Variants in CREB5 observed in about 807,000 individuals in gnomAD.
CREB5 encodes cAMP responsive element binding protein 5, also known as cyclic AMP-responsive element-binding protein 5.
A neutral mutation model predicts 57.1 loss-of-function variants in CREB5; 19 were observed. That is an observed-to-expected ratio of 0.33 (90% CI 0.23 to 0.49). CREB5 has a LOEUF of 0.49. Among genes scored for constraint, CREB5 ranks in the 20% least tolerant of loss-of-function variants. The pLI is 0.99. For missense variants in CREB5, 579 were observed against 671.6 expected, an observed-to-expected ratio of 0.86 and a Z score of 1.52; for synonymous variants, 238 against 238.3, an observed-to-expected ratio of 1.00 and a Z score of 0.01.
chr7:28,785,975 C>T (rs1396410955), intron 7 of CREB5, among the ~76,000 whole-genome samples: 1 of 152,140 alleles, frequency 6.6e-6, no homozygotes, highest in Non-Finnish European at 1.5e-5. Context: ...CACGTGTCAT[C>T]GTGCCTCCTT....
chr7:28,672,175 GAAAAA>G (rs201063096), intron 5 of CREB5, among the ~76,000 whole-genome samples: 1 of 88,138 alleles, frequency 1.1e-5, no homozygotes, highest in African/African-American at 4.6e-5. Context: ...TTGTATTATG[GAAAAA>G]AAAAAAAAAC....
rs573727871 is a variant in CREB5 at position 28,380,560 on chromosome 7, T to C, written c.-25+81119T>C. On this transcript the variant is annotated intron_variant, in intron 1 of 9. Transcript: ENST00000396299. ...TTGAGAAAAAGAAGGTAAACATCAG[T>C]ATGCAATTAGAAGTGAGTGGAAGGT... Among the ~76,000 whole-genome samples the C allele has an allele frequency of 1.2e-3, 190 of 152,256 alleles. 1 individual carries two copies. The highest frequency in any genetic ancestry group is 4.4e-3 in the African/African-American group (182 of 41,552).
intron 1 of CREB5, among the ~76,000 whole-genome samples, chr7:28,468,162 G>A (rs1790666265): frequency 6.6e-6 from 1 of 152,180 alleles, no homozygotes; most frequent in African/African-American, 2.4e-5. Context: ...GACAAGCCGT[G>A]GGTAGGACAT....
chr7:28,413,723 C>T (rs1787907564), intron 1 of CREB5, among the ~76,000 whole-genome samples: 1 of 152,152 alleles, frequency 6.6e-6, no homozygotes, highest in Non-Finnish European at 1.5e-5. Context: ...GCCCTTATTT[C>T]TAGATCTCTG....
Position 28,825,310 on chromosome 7 carries a change from T to C in CREB5, c.*6031T>C, listed in dbSNP as rs1033194611. The C allele has an allele frequency of 3.3e-5, 5 of 152,244 alleles. No individual in the cohort carries two copies. Among genetic ancestry groups the C allele is most frequent in the Admixed American group, 6.6e-5 (1 of 15,258 alleles). The allele number at this position is 152,244 out of a possible 1,614,324, so 9.4% of individuals were successfully genotyped here. ...GTTCTGCTAAATCACATCTGCCTCATAGAGAAAGGAATGTTGCCTTTGAGA... is the reference window on the plus strand; with the variant it reads ...GTTCTGCTAAATCACATCTGCCTCACAGAGAAAGGAATGTTGCCTTTGAGA... On this transcript the variant is annotated 3_prime_UTR_variant, in exon 11 of 11. Transcript: ENST00000357727.
intron 7 of CREB5, among the ~76,000 whole-genome samples, chr7:28,790,433 AGAGAG>A (rs1807602592): frequency 1.6e-5 from 1 of 62,120 alleles, no homozygotes; most frequent in African/African-American, 1.0e-4. Flanking sequence ...AAAGAAAGAG[AGAGAG>A]AGAGAGAGAG....
intron 4 of CREB5, among the ~76,000 whole-genome samples, chr7:28,560,961 CGTGTGTGTGTGCGTGTGT>C (rs1795215874): frequency 8.4e-5 from 2 of 23,916 alleles, no homozygotes; most frequent in African/African-American, 1.3e-4. Context: ...CGTGTGTGTG[CGTGTGTGTGTGCGTGTGT>C]GCGTGCGTGT....
intron 1 of CREB5, among the ~76,000 whole-genome samples, chr7:28,444,644 C>T (rs974004295): frequency 3.3e-5 from 5 of 152,084 alleles, no homozygotes; most frequent in Non-Finnish European, 7.3e-5. Flanking sequence ...CTTATTTAGC[C>T]CTGCCACTGT....
chr7:28,400,808 A>T (rs1388295630), intron 1 of CREB5, among the ~76,000 whole-genome samples: 1 of 152,208 alleles, frequency 6.6e-6, no homozygotes, highest in East Asian at 1.9e-4. Flanking sequence ...AACCTTCCCC[A>T]TCGGCAGTAC....
In CREB5 at chr7:28,560,921, TGCGCGTGCGTGTGTGCGTGC is replaced by T. The variant is rs1562797845; in HGVS notation, c.292-9442_292-9423del. On this transcript the variant is annotated intron_variant, in intron 4 of 10. Transcript: ENST00000357727. ...GCGTGCGCGCGTGCGTGTGCGTGTG[TGCGCGTGCGTGTGTGCGTGC>T]GTGTGTGTGCGTGTGTGTGCGTGTG... Among the ~76,000 whole-genome samples, 24 of 40,558 alleles carry T rather than the reference TGCGCGTGCGTGTGTGCGTGC, an allele frequency of 5.9e-4. 1 individual carries two copies. Among genetic ancestry groups the T allele is most frequent in the East Asian group, 3.4e-3 (2 of 588 alleles). 26.6% of individuals were successfully genotyped at this position (40,558 alleles called of 152,430 possible). A position where few individuals can be genotyped will look rare whatever the true frequency, so the allele number is the denominator to read the frequency against.
At chr7:28,749,981 T>C (rs962556636) in intron 7 of CREB5, among the ~76,000 whole-genome samples, 1 of 152,198 alleles carries the variant, frequency 6.6e-6, no homozygotes, top group Admixed American at 6.5e-5. Flanking sequence ...CTTTTCTAGA[T>C]ATAATATTAG....
At chr7:28,466,321 G>A (rs933120168) in intron 1 of CREB5, among the ~76,000 whole-genome samples, 1 of 151,528 alleles carries the variant, frequency 6.6e-6, no homozygotes, top group Non-Finnish European at 1.5e-5. Context: ...CTCATCTGCT[G>A]CAAGGGAATT....
intron 2 of CREB5, among the ~76,000 whole-genome samples, chr7:28,489,805 G>A (rs1176280042): frequency 2.0e-5 from 3 of 152,168 alleles, no homozygotes; most frequent in Non-Finnish European, 4.4e-5. Context: ...GAAGAGCAGT[G>A]CAAAAATTAT....
At position 28,611,622 on chromosome 7, in the gene CREB5, G is replaced by A. The variant is rs575500112; in HGVS notation, c.464+41085G>A. ...CACAGGAGGCCAGAGGTTGCAGTAA[G>A]CTGAGATTGCGCCACTGCACTCTAG... On this transcript the variant is annotated intron_variant, in intron 5 of 10. Transcript: ENST00000357727. 2.9e-3 allele frequency among the ~76,000 whole-genome samples: 433 copies of A among 150,770 alleles called. 1 individual carries two copies. The highest frequency in any genetic ancestry group is 0.01 in the African/African-American group (418 of 41,096).
chr7:28,642,941 A>T (rs1798714441), intron 5 of CREB5, among the ~76,000 whole-genome samples: 1 of 124,314 alleles, frequency 8.0e-6, no homozygotes. Context: ...GACCGAAAGG[A>T]GGGTAGATTT....
At chr7:28,563,998 A>T (rs542679315) in intron 4 of CREB5, among the ~76,000 whole-genome samples, 2 of 152,320 alleles carry the variant, frequency 1.3e-5, no homozygotes, top group African/African-American at 4.8e-5. Flanking sequence ...AGCTCCTGAG[A>T]GCACCAAATG....
chr7:28,707,490 G>C (rs1802177271), intron 5 of CREB5, among the ~76,000 whole-genome samples: 1 of 152,136 alleles, frequency 6.6e-6, no homozygotes, highest in Non-Finnish European at 1.5e-5. Context: ...AGCCCCACAA[G>C]GCTACCTTAT....
intron 1 of CREB5, among the ~76,000 whole-genome samples, chr7:28,335,344 A>G (rs1341499391): frequency 6.6e-6 from 1 of 151,502 alleles, no homozygotes; most frequent in Non-Finnish European, 1.5e-5. Context: ...ATGTCTTTTC[A>G]TTTTCTTCTG....
chr7:28,334,331 A>G (rs994574759), intron 1 of CREB5, among the ~76,000 whole-genome samples: 1 of 151,816 alleles, frequency 6.6e-6, no homozygotes, highest in Non-Finnish European at 1.5e-5. Flanking sequence ...AATTTTTTGT[A>G]TATTTAGTAG....
Sources: allele counts gnomAD v4.1 joint callset (sites outside exome capture counted in the v4.1 genomes callset), GRCh38; gene constraint gnomAD v4.1.1; transcripts MANE v1.5; gene names NCBI Gene and HGNC (gene_info 2026-07-23, HGNC 2026-07-21).